Variants in NCKAP5 observed in about 807,000 individuals in gnomAD.
NCKAP5 encodes the protein NCK associated protein 5.
A neutral mutation model predicts 167.0 loss-of-function variants in NCKAP5; 92 were observed. The observed-to-expected ratio is 0.55, with a 90% CI of 0.47 to 0.66. NCKAP5 has a LOEUF of 0.66. Among genes scored for constraint, NCKAP5 ranks in the 30% least tolerant of loss-of-function variants. The pLI is 0.00. For synonymous variants in NCKAP5, 891 were observed against 877.4 expected (o/e 1.02, Z -0.27); for missense variants, 2,378 against 2,315.0 (o/e 1.03, Z -0.56).
At chr2:133,458,677 C>A (rs1050691598) in intron 3 of NCKAP5, among the ~76,000 whole-genome samples, 2 of 152,040 alleles carry the variant, frequency 1.3e-5, no homozygotes, top group Admixed American at 6.6e-5. Context: ...TTGTTATATA[C>A]ACCTCCAGAA....
chr2:133,328,527 T>A (rs917105824), intron 3 of NCKAP5, among the ~76,000 whole-genome samples: 1 of 152,172 alleles, frequency 6.6e-6, no homozygotes. Context: ...TGCCACCAGG[T>A]AGAGCTCCTG....
At chr2:133,472,440 G>T (rs1187152741) in intron 3 of NCKAP5, among the ~76,000 whole-genome samples, 1 of 151,172 alleles carries the variant, frequency 6.6e-6, no homozygotes, top group Admixed American at 6.6e-5. Context: ...TGGAGTTTTG[G>T]CACTTTGATT....
chr2:132,784,289 G>A lies in NCKAP5; in HGVS notation c.2522C>T (p.Pro841Leu), dbSNP rs767674133. ...VTLEKSPALA[P>L]GKLSRFMKTE... ...CTTCATGAATCGTGAGAGTTTCCCAGGAGCTAAGGCTGGTGATTTTTCAAG... is the reference window on the plus strand; with the variant it reads ...CTTCATGAATCGTGAGAGTTTCCCAAGAGCTAAGGCTGGTGATTTTTCAAG... The change falls in exon 14 of 20, where the codon CCT (proline) becomes CTT (leucine). Residue 841 changes from proline (P) to leucine (L), a missense_variant. Physicochemically the swap from Pro to Leu is moderately conservative, Grantham distance 98. Around this residue, in one of 3 missense-constraint regions of NCKAP5, gnomAD observed 1,049 missense variants for 1,023.4 expected, o/e 1.02. Coordinates refer to ENST00000409261, the MANE Select transcript of NCKAP5 (RefSeq NM_207363.3). The A allele has an allele frequency of 1.4e-5, 23 of 1,613,400 alleles. No homozygotes were observed. The South Asian group carries it at 2.4e-4, about 17-fold the overall frequency.
chr2:132,950,725 A>T (rs2076160426), intron 8 of NCKAP5, among the ~76,000 whole-genome samples: 1 of 152,184 alleles, frequency 6.6e-6, no homozygotes. Flanking sequence ...GTTTGCCTGC[A>T]GTTGCTTCTC....
the NCKAP5 span, among the ~76,000 whole-genome samples, chr2:133,658,520 G>T: frequency 1.3e-5 from 2 of 152,112 alleles, no homozygotes; most frequent in Non-Finnish European, 2.9e-5. Flanking sequence ...CCTGGGAGTG[G>T]GCATTTCCAG....
At chr2:133,308,804 G>A (rs1051553443) in intron 3 of NCKAP5, among the ~76,000 whole-genome samples, 7 of 139,088 alleles carry the variant, frequency 5.0e-5, no homozygotes, top group East Asian at 4.5e-4. Flanking sequence ...TCTGCTTCCC[G>A]GGTTCACGCC....
At chr2:133,282,474 G>T (rs1319638232) in intron 4 of NCKAP5, among the ~76,000 whole-genome samples, 1 of 152,180 alleles carries the variant, frequency 6.6e-6, no homozygotes, top group African/African-American at 2.4e-5. Flanking sequence ...CAAGCCATTA[G>T]CAGAGCAATG....
In NCKAP5 at chr2:132,924,327, C is replaced by T. The variant is rs578236091; in HGVS notation, c.579+39393G>A. On this transcript the variant is annotated intron_variant, in intron 8 of 19. Transcript: ENST00000409261. Reference sequence around the variant, plus strand: ...AAATAGTTTCAGGATCTCAAAAAGACGATGTCGTAGATGGAAGTTTTGTTG... The same window carrying T: ...AAATAGTTTCAGGATCTCAAAAAGATGATGTCGTAGATGGAAGTTTTGTTG... 2.4e-3 allele frequency among the ~76,000 whole-genome samples: 364 copies of T among 152,012 alleles called. 1 individual carries two copies. Among genetic ancestry groups the T allele is most frequent in the Non-Finnish European group, 3.3e-3 (225 of 68,000 alleles).
intron 5 of NCKAP5, among the ~76,000 whole-genome samples, chr2:133,131,722 CG>C (rs2082608185): frequency 6.6e-6 from 1 of 151,982 alleles, no homozygotes; most frequent in African/African-American, 2.4e-5. Context: ...ATTCTGGAAG[CG>C]CTGGAAAGAA....
intron 4 of NCKAP5, among the ~76,000 whole-genome samples, chr2:133,273,616 T>C (rs1177037555): frequency 2.6e-5 from 4 of 151,820 alleles, no homozygotes; most frequent in Non-Finnish European, 4.4e-5. Context: ...CAAAAGTAAA[T>C]ATAGGCTGTA....
intron 4 of NCKAP5, among the ~76,000 whole-genome samples, chr2:133,261,159 G>A (rs976731249): frequency 6.6e-5 from 10 of 152,058 alleles, no homozygotes; most frequent in African/African-American, 2.2e-4. Flanking sequence ...CTTTTCTCTC[G>A]CATTTCTATA....
At chr2:133,532,745 C>T (rs1685466368) in intron 2 of NCKAP5, among the ~76,000 whole-genome samples, 2 of 151,836 alleles carry the variant, frequency 1.3e-5, no homozygotes, top group Non-Finnish European at 2.9e-5. Context: ...TAATTTTTCC[C>T]CCTAATTTCA....
intron 3 of NCKAP5, among the ~76,000 whole-genome samples, chr2:133,509,363 T>C (rs572772344): frequency 6.6e-6 from 1 of 152,188 alleles, no homozygotes; most frequent in South Asian, 2.1e-4. Flanking sequence ...AACAAAAAAC[T>C]TTACACACAC....
intron 8 of NCKAP5, among the ~76,000 whole-genome samples, chr2:132,932,971 C>T (rs954025934): frequency 1.4e-5 from 2 of 142,712 alleles, no homozygotes; most frequent in Non-Finnish European, 3.0e-5. Flanking sequence ...GTTGCCCAGG[C>T]TGGAGTGCAG....
intron 12 of NCKAP5, among the ~76,000 whole-genome samples, chr2:132,793,964 G>T (rs964998414): frequency 2.6e-5 from 4 of 151,818 alleles, no homozygotes; most frequent in African/African-American, 9.7e-5. Flanking sequence ...ATTATCTACT[G>T]CAGTAAATAA....
At chr2:133,641,130 G>C in the NCKAP5 span, among the ~76,000 whole-genome samples, 1 of 152,158 alleles carries the variant, frequency 6.6e-6, no homozygotes, top group Non-Finnish European at 1.5e-5. Context: ...CCATAATTAT[G>C]TGCATCTCTG....
Position 132,785,040 on chromosome 2 carries a change from G to C in NCKAP5, c.1771C>G (p.Leu591Val). 1 of 1,614,046 alleles carries C rather than the reference G, an allele frequency of 6.2e-7. No homozygotes were observed. The highest frequency in any genetic ancestry group is 8.5e-7 in the Non-Finnish European group (1 of 1,179,898). The change falls in exon 14 of 20, where the codon CTG (leucine) becomes GTG (valine). Residue 591 changes from leucine (L) to valine (V), a missense_variant. By Grantham distance (32) the Leu-to-Val change is conservative (BLOSUM62 1). Around this residue, in one of 3 missense-constraint regions of NCKAP5, gnomAD observed 1,049 missense variants for 1,023.4 expected, o/e 1.02. Transcript: ENST00000409261. ...TTCTCATCACTGCTCTCTATGTGCA[G>C]CTCATCAAACGTTTCATTGTCATCA... The part of the protein sequence containing the change: ...DTDDNETFDE[L>V]HIESSDEKSP...
intron 6 of NCKAP5, among the ~76,000 whole-genome samples, chr2:133,054,050 G>A (rs773625431): frequency 2.6e-5 from 4 of 152,174 alleles, no homozygotes; most frequent in Non-Finnish European, 5.9e-5. Flanking sequence ...ATTCTATGGT[G>A]TTTATCAGTA....
chr2:132,838,593 C>T (rs1249576180), intron 11 of NCKAP5, among the ~76,000 whole-genome samples: 1 of 152,186 alleles, frequency 6.6e-6, no homozygotes, highest in Non-Finnish European at 1.5e-5. Flanking sequence ...GATTACACCA[C>T]TGCACTCCAG....
Sources: gnomAD v4.1 joint callset for allele counts (sites outside exome capture counted in the v4.1 genomes callset) on GRCh38, gnomAD v4.1.1 for gene constraint, gnomAD v4.1.1 regional missense constraint, MANE v1.5 for transcripts, NCBI Gene and HGNC (gene_info 2026-07-23, HGNC 2026-07-21) for gene names.